The following TBC1D2 variants were observed in gnomAD, a reference collection of about 807,000 sequenced individuals.
TBC1D2 encodes TBC1 domain family member 2A.
Under a neutral mutation model 91.1 loss-of-function variants are expected in TBC1D2, and 58 were observed. The ratio of observed to expected loss-of-function variants is 0.64; its 90% CI spans 0.52 to 0.79. The LOEUF (loss-of-function observed/expected upper bound fraction) is 0.79, where lower values mean the gene tolerates loss of function less well. Ranked by LOEUF, TBC1D2 falls within the 30% of genes least tolerant of loss-of-function variation. The pLI, the probability that TBC1D2 is intolerant of heterozygous loss-of-function variation, is 0.00. For missense variants in TBC1D2, 1,080 were observed against 1,208.3 expected, an observed-to-expected ratio of 0.89 and a Z score of 1.57; for synonymous variants, 482 against 511.5, an observed-to-expected ratio of 0.94 and a Z score of 0.78.
Position 98,238,196 on chromosome 9 carries a change from G to A in TBC1D2, c.648-4647C>T, listed in dbSNP as rs776799613. Reference sequence around the variant, plus strand: ...TGGGATTACAGGCGTGAGCCCCTGCGCTCAGCCTAGCAATATTAAGTCTTT... The same window carrying A: ...TGGGATTACAGGCGTGAGCCCCTGCACTCAGCCTAGCAATATTAAGTCTTT... On this transcript the variant is annotated intron_variant, in intron 3 of 12. Transcript: ENST00000465784. Among the ~76,000 whole-genome samples, 26 of 136,704 alleles carry A rather than the reference G, an allele frequency of 1.9e-4. 3 individuals are homozygous for A. Among genetic ancestry groups the A allele is most frequent in the Middle Eastern group, 7.1e-3 (2 of 282 alleles). 89.7% of individuals were successfully genotyped at this position (136,704 alleles called of 152,430 possible).
intron 6 of TBC1D2, among the ~76,000 whole-genome samples, chr9:98,220,438 G>C (rs967412033): frequency 5.3e-5 from 8 of 152,144 alleles, no homozygotes; most frequent in Non-Finnish European, 7.4e-5. Context: ...GCAGGACTGT[G>C]GGGGGAGGGT....
intron 6 of TBC1D2, chr9:98,213,528 A>G: frequency 1.6e-6 from 1 of 625,212 alleles, no homozygotes; most frequent in Non-Finnish European, 2.2e-6. Flanking sequence ...AGGGGCAAAT[A>G]CCAACTAACC....
chr9:98,224,208 AAAG>A (rs1829171387), intron 5 of TBC1D2, among the ~76,000 whole-genome samples: 1 of 82,192 alleles, frequency 1.2e-5, no homozygotes. Flanking sequence ...AAAAAAAAAA[AAAG>A]AAAAGAAAAG....
chr9:98,200,452 C>T (rs1828462256), intron 11 of TBC1D2, 78 bp from the exon 12 acceptor site: 2 of 1,435,682 alleles, frequency 1.4e-6, no homozygotes, highest in Admixed American at 4.0e-5. Flanking sequence ...ACCTGACAGA[C>T]TTGGGCAGTA....
chr9:98,209,733 CCTT>C (rs755326237), intron 8 of TBC1D2, among the ~76,000 whole-genome samples: 9 of 148,354 alleles, frequency 6.1e-5, no homozygotes, highest in Middle Eastern at 3.5e-3. Context: ...TTCCTTCCTT[CCTT>C]CTTTCCTTTC....
rs1198591925 is a variant in TBC1D2, at chr9:98,255,574, G to A, written c.-33C>T. ...AGCCGGAGACTGCGGAGGGACGAGGGGTCCGCGGGACCACCAGGGACAAAT... is the reference window on the plus strand; with the variant it reads ...AGCCGGAGACTGCGGAGGGACGAGGAGTCCGCGGGACCACCAGGGACAAAT... On this transcript the variant is annotated 5_prime_UTR_variant, in exon 1 of 13. Coordinates refer to ENST00000465784, the MANE Select transcript of TBC1D2 (RefSeq NM_001267571.2). 8 of 1,475,128 alleles carry A rather than the reference G, an allele frequency of 5.4e-6. No individual in the cohort carries two copies. In the African/African-American group the frequency reaches 7.1e-5, roughly 13 times the overall value. 91.4% of individuals were successfully genotyped at this position (1,475,128 alleles called of 1,614,324 possible).
At chr9:98,227,916 G>A (rs549277163) in intron 5 of TBC1D2, among the ~76,000 whole-genome samples, 1 of 152,170 alleles carries the variant, frequency 6.6e-6, no homozygotes, top group African/African-American at 2.4e-5. Context: ...TATAGGGAGA[G>A]CATTTTTTCT....
At chr9:98,225,965 A>T (rs947999198) in intron 5 of TBC1D2, among the ~76,000 whole-genome samples, 4 of 152,172 alleles carry the variant, frequency 2.6e-5, no homozygotes, top group Non-Finnish European at 4.4e-5. Flanking sequence ...GTGCCTTCCC[A>T]CTAAAGAAAC....
chr9:98,221,217 C>A lies in TBC1D2; in HGVS notation c.990G>T (p.Lys330Asn). ...CGGCCTCCAGTGCCTTGTGCAGGAT[C>A]TTCACTAGCTCCTGGGCAGGGAGAG... ...KELKSQKELV[K>N]ILHKALEAAQ... The change falls in exon 6 of 13, where the codon AAG (lysine) becomes AAT (asparagine). Residue 330 changes from lysine (K) to asparagine (N), a missense_variant. Transcript: ENST00000465784. 1 of 1,542,872 alleles carries A rather than the reference C, an allele frequency of 6.5e-7. No individual in the cohort carries two copies. The highest frequency in any genetic ancestry group is 8.8e-7 in the Non-Finnish European group (1 of 1,140,674).
Position 98,244,214 on chromosome 9 carries a change from T to C in TBC1D2, c.512-85A>G, listed in dbSNP as rs576010919. On this transcript the variant is annotated intron_variant, in intron 2 of 12. Coordinates refer to ENST00000465784, the MANE Select transcript of TBC1D2 (RefSeq NM_001267571.2). The stretch of plus-strand genomic sequence containing the variant: ...AGGTGGGATGCTATGGGTGCAGCCC[T>C]GACTGGGAACAGGCTGGAGTTGGAG... The C allele has an allele frequency of 1.5e-5, 23 of 1,548,628 alleles. 1 individual carries two copies. The South Asian group carries it at 2.6e-4, about 17-fold the overall frequency.
chr9:98,234,879 G>A (rs1011596994), intron 3 of TBC1D2: 15 of 209,736 alleles, frequency 7.2e-5, no homozygotes, highest in African/African-American at 2.8e-4. Flanking sequence ...GCTTCGACAC[G>A]AGGAAAGTAA....
chr9:98,210,337 T>A (rs578233145), intron 8 of TBC1D2, among the ~76,000 whole-genome samples: 1 of 152,160 alleles, frequency 6.6e-6, no homozygotes, highest in Non-Finnish European at 1.5e-5. Context: ...GCAGAGGAGA[T>A]GGCCTGCTTG....
chr9:98,252,634 G>T (rs1829895380), intron 1 of TBC1D2, among the ~76,000 whole-genome samples: 1 of 152,200 alleles, frequency 6.6e-6, no homozygotes, highest in African/African-American at 2.4e-5. Flanking sequence ...TCTACAGATG[G>T]AGAAACTAAA....
chr9:98,243,972 C>T, intron 3 of TBC1D2, 22 bp downstream of exon 3: 2 of 1,589,242 alleles, frequency 1.3e-6, no homozygotes, highest in Non-Finnish European at 1.7e-6. Flanking sequence ...TTGGCTAGCC[C>T]CTCAGCTCCA....
chr9:98,238,115 G>A (rs1274099467), intron 3 of TBC1D2, among the ~76,000 whole-genome samples: 1 of 135,464 alleles, frequency 7.4e-6, no homozygotes, highest in African/African-American at 3.8e-5. Context: ...TGTTAGCTAG[G>A]CTGGTCTTGA....
At chr9:98,216,210 G>C (rs890644724) in intron 6 of TBC1D2, among the ~76,000 whole-genome samples, 1 of 152,152 alleles carries the variant, frequency 6.6e-6, no homozygotes, top group Admixed American at 6.6e-5. Flanking sequence ...TGTGCAAAAG[G>C]CTCAGAACGG....
chr9:98,233,059 G>T (rs540165012), intron 4 of TBC1D2, among the ~76,000 whole-genome samples: 152 of 152,284 alleles, frequency 1.0e-3, no homozygotes, highest in African/African-American at 3.5e-3. Flanking sequence ...ATGTCATGAG[G>T]GTGGAGCCCC....
At chr9:98,252,903 A>C (rs577588914) in intron 1 of TBC1D2, among the ~76,000 whole-genome samples, 1 of 152,268 alleles carries the variant, frequency 6.6e-6, no homozygotes, top group East Asian at 1.9e-4. Flanking sequence ...ACTGGTGTGC[A>C]CTATGCAGGG....
intron 3 of TBC1D2, among the ~76,000 whole-genome samples, chr9:98,242,231 G>T (rs543783755): frequency 8.5e-5 from 13 of 152,152 alleles, no homozygotes; most frequent in African/African-American, 2.9e-4. Flanking sequence ...CACGAGGTCA[G>T]GAGTTTGAGA....
Sources: gnomAD v4.1 joint callset for allele counts (sites outside exome capture counted in the v4.1 genomes callset) on GRCh38, gnomAD v4.1.1 for gene constraint, MANE v1.5 for transcripts, NCBI Gene and HGNC (gene_info 2026-07-23, HGNC 2026-07-21) for gene names.